KIF1B: variants seen among roughly 807,000 people sequenced by gnomAD.
KIF1B encodes kinesin family member 1B, also known as kinesin-like protein KIF1B.
A neutral mutation model predicts 241.9 loss-of-function variants in KIF1B; 76 were observed. The ratio of observed to expected loss-of-function variants is 0.31; its 90% CI spans 0.26 to 0.38. The LOEUF (loss-of-function observed/expected upper bound fraction) is 0.38. Ranked by LOEUF, KIF1B falls within the 10% of genes least tolerant of loss-of-function variation. The probability of loss-of-function intolerance (pLI) is 1.00; values close to 1 mark genes in which losing one functional copy is unlikely to be tolerated. For missense variants in KIF1B, 1,622 were observed against 2,271.4 expected, an observed-to-expected ratio of 0.71 and a Z score of 5.81; for synonymous variants, 750 against 796.7, an observed-to-expected ratio of 0.94 and a Z score of 0.99.
chr1:10,343,012 G>A (rs1362049605), intron 33 of KIF1B, among the ~76,000 whole-genome samples: 1 of 152,150 alleles, frequency 6.6e-6, no homozygotes, highest in Non-Finnish European at 1.5e-5. Flanking sequence ...AGATAGGCAC[G>A]TGGAAGTCAA....
At chr1:10,284,139 T>C (rs947724465) in intron 15 of KIF1B, among the ~76,000 whole-genome samples, 2 of 152,062 alleles carry the variant, frequency 1.3e-5, no homozygotes, top group African/African-American at 4.8e-5. Context: ...TTTGGGAGGC[T>C]GAGGCAGGAG....
intron 1 of KIF1B, among the ~76,000 whole-genome samples, chr1:10,212,092 G>A (rs1001227740): frequency 6.6e-6 from 1 of 152,164 alleles, no homozygotes; most frequent in Non-Finnish European, 1.5e-5. Flanking sequence ...ATCTCTTACT[G>A]CTCTGAGCAG....
At chr1:10,352,280 G>C (rs1266220219) in intron 37 of KIF1B, among the ~76,000 whole-genome samples, 1 of 152,096 alleles carries the variant, frequency 6.6e-6, no homozygotes, top group Non-Finnish European at 1.5e-5. Context: ...TGTTAGGTGA[G>C]AGTGGAATGG....
intron 7 of KIF1B, 135 bp downstream of exon 7, chr1:10,268,398 C>T (rs1648588338): frequency 1.4e-6 from 1 of 703,060 alleles, no homozygotes; most frequent in Non-Finnish European, 2.6e-6. Context: ...GTGTTTTATA[C>T]CTCTGCTTAT....
Position 10,273,730 on chromosome 1 carries a change from A to C in KIF1B, c.882+699A>C, listed in dbSNP as rs1004930000. On this transcript the variant is annotated intron_variant, in intron 10 of 48. Transcript: ENST00000676179. ...TCCTCAAAAAAAAAAAAAAAAAAAA[A>C]AAAAAAAAACCCAACAAACACCACA... is the stretch of plus-strand genomic sequence containing the variant. 1.0e-4 allele frequency among the ~76,000 whole-genome samples: 9 copies of C among 89,230 alleles called. No individual in the cohort carries two copies. The South Asian group carries it at 1.1e-3, about 11-fold the overall frequency. 58.5% of individuals were successfully genotyped at this position (89,230 alleles called of 152,430 possible). A position where few individuals can be genotyped will look rare whatever the true frequency, so the allele number is the denominator to read the frequency against.
At chr1:10,271,658 C>A in intron 8 of KIF1B, 79 bp downstream of exon 8, 1 of 941,722 alleles carries the variant, frequency 1.1e-6, no homozygotes, top group Admixed American at 1.7e-5. Flanking sequence ...TATTGAAACA[C>A]AGCTACATAC....
In KIF1B at chr1:10,275,511, G is replaced by T; in HGVS notation, c.958+8G>T. On this transcript the variant is annotated splice_region_variant and intron_variant, in intron 11 of 48. Coordinates refer to ENST00000676179, the MANE Select transcript of KIF1B (RefSeq NM_001365951.3). Reference sequence around the variant, plus strand: ...TCCTTCGAGAAAATTTAGGTATGTTGACCACTAGTGAAAAGTAGTTATCTT... The same window carrying T: ...TCCTTCGAGAAAATTTAGGTATGTTTACCACTAGTGAAAAGTAGTTATCTT... 1.4e-6 allele frequency: 2 copies of T among 1,434,266 alleles called. No homozygotes were observed. The highest frequency in any genetic ancestry group is 2.3e-5 in the South Asian group (2 of 87,338). The allele number at this position is 1,434,266 out of a possible 1,614,324, so 88.8% of individuals were successfully genotyped here.
At chr1:10,277,234 A>G (rs1304517176) in intron 12 of KIF1B, among the ~76,000 whole-genome samples, 3 of 151,942 alleles carry the variant, frequency 2.0e-5, no homozygotes, top group Non-Finnish European at 4.4e-5. Flanking sequence ...TCACTTGAGC[A>G]CAGGAGTTTG....
At chr1:10,244,169 T>G (rs1218387354) in intron 2 of KIF1B, among the ~76,000 whole-genome samples, 1 of 152,178 alleles carries the variant, frequency 6.6e-6, no homozygotes, top group Non-Finnish European at 1.5e-5. Flanking sequence ...GATCTTTTGC[T>G]CAAATCTTTA....
chr1:10,271,355 C>T, intron 7 of KIF1B, 147 bp from the exon 8 acceptor site: 1 of 725,786 alleles, frequency 1.4e-6, no homozygotes, highest in Middle Eastern at 2.4e-4. Flanking sequence ...TAGATGTTGT[C>T]TTGATCTTTT....
chr1:10,307,264 C>T (rs1650875037), intron 22 of KIF1B: 5 of 1,020,520 alleles, frequency 4.9e-6, no homozygotes, highest in Non-Finnish European at 4.7e-6. Context: ...TAACTAGTGC[C>T]ATGCTTTTGT....
At chr1:10,330,289 A>G (rs1355308042) in intron 27 of KIF1B, among the ~76,000 whole-genome samples, 2 of 152,188 alleles carry the variant, frequency 1.3e-5, no homozygotes, top group Non-Finnish European at 2.9e-5. Flanking sequence ...TGAATGTGTG[A>G]TTGTGTAGTC....
rs771982892 is a variant in KIF1B at position 10,343,343 on chromosome 1, T to A, written c.3688+56T>A. 1.9e-4 allele frequency: 292 copies of A among 1,519,432 alleles called. 2 individuals are homozygous for A. The highest frequency in any genetic ancestry group is 8.6e-4 in the South Asian group (76 of 88,704). 94.1% of individuals were successfully genotyped at this position (1,519,432 alleles called of 1,614,324 possible). On this transcript the variant is annotated intron_variant, in intron 34 of 48. Transcript: ENST00000676179. ...ATCTCTTTGTGAATACATGTCTTAT[T>A]CTGAATGACTTTTCAAATAGAAGTC... is the stretch of plus-strand genomic sequence containing the variant.
At position 10,312,570 on chromosome 1, in the gene KIF1B, C is replaced by T. The variant is rs1000367737; in HGVS notation, c.2116-7473C>T. Among the ~76,000 whole-genome samples, 3 of 151,532 alleles carry T rather than the reference C, an allele frequency of 2.0e-5. 1 individual carries two copies. Among genetic ancestry groups the T allele is most frequent in the African/African-American group, 4.9e-5 (2 of 40,830 alleles). On this transcript the variant is annotated intron_variant, in intron 22 of 48. Transcript: ENST00000676179. ...GATTACATCTGATGCATCTCCTACC[C>T]GTCTCCCTACTCTGCCATTCCATCC...
chr1:10,226,165 T>G lies in KIF1B; in HGVS notation c.-79-6085T>G, dbSNP rs544661281. ...AGAGATTTTATAGATATAAGCTGAT[T>G]AGATGGATAGACAAAGCAAGCTTTT... On this transcript the variant is annotated intron_variant, in intron 1 of 48. Coordinates refer to ENST00000676179, the MANE Select transcript of KIF1B (RefSeq NM_001365951.3). Among the ~76,000 whole-genome samples, 383 of 152,174 alleles carry G rather than the reference T, an allele frequency of 2.5e-3. 2 individuals carry two copies. Among genetic ancestry groups the G allele is most frequent in the African/African-American group, 8.4e-3 (350 of 41,502 alleles).
chr1:10,322,458 G>A (rs1337093633), intron 24 of KIF1B, among the ~76,000 whole-genome samples: 1 of 152,152 alleles, frequency 6.6e-6, no homozygotes, highest in Admixed American at 6.5e-5. Context: ...ATAGTGTCTG[G>A]CATGGTAAAA....
chr1:10,354,969 G>A (rs901291685), intron 38 of KIF1B, among the ~76,000 whole-genome samples: 1 of 152,216 alleles, frequency 6.6e-6, no homozygotes, highest in African/African-American at 2.4e-5. Context: ...TACATTGATA[G>A]TGGGGTATAA....
At chr1:10,258,787 C>A in intron 4 of KIF1B, 115 bp downstream of exon 4, 1 of 1,052,234 alleles carries the variant, frequency 9.5e-7, no homozygotes, top group Non-Finnish European at 1.4e-6. Flanking sequence ...TTATGTCAGG[C>A]ACAAAGATGA....
intron 10 of KIF1B, among the ~76,000 whole-genome samples, chr1:10,273,351 T>C (rs116429009): frequency 0.019 from 2,867 of 152,244 alleles, 41 homozygotes; most frequent in Non-Finnish European, 0.028. Flanking sequence ...GTCAGAAGTT[T>C]GAGACCAGTC....
Sources: allele counts gnomAD v4.1 joint callset (sites outside exome capture counted in the v4.1 genomes callset), GRCh38; gene constraint gnomAD v4.1.1; transcripts MANE v1.5; gene names NCBI Gene and HGNC (gene_info 2026-07-23, HGNC 2026-07-21).